Variants in ZFYVE26 observed in about 807,000 individuals in gnomAD.
ZFYVE26 encodes the protein zinc finger FYVE domain-containing protein 26.
A neutral mutation model predicts 276.5 loss-of-function variants in ZFYVE26; 181 were observed. The observed-to-expected ratio is 0.65, with a 90% CI of 0.58 to 0.74. The LOEUF (loss-of-function observed/expected upper bound fraction) is 0.74, where lower values mean the gene tolerates loss of function less well. Ranked by LOEUF, ZFYVE26 falls within the 30% of genes least tolerant of loss-of-function variation. The pLI is 0.00. For synonymous variants in ZFYVE26, 1,129 were observed against 1,203.1 expected (o/e 0.94, Z 1.27); for missense variants, 2,821 against 3,097.9 (o/e 0.91, Z 2.12).
chr14:67,809,408 CTTTTT>C (rs10580613), intron 3 of ZFYVE26, 119 bp from the exon 4 acceptor site: 98 of 207,942 alleles, frequency 4.7e-4, no homozygotes, highest in Middle Eastern at 1.4e-3. Flanking sequence ...ATGAAGCACT[CTTTTT>C]TTTTTTTTTT....
chr14:67,805,098 TG>T, intron 8 of ZFYVE26, 118 bp downstream of exon 8: 1 of 911,152 alleles, frequency 1.1e-6, no homozygotes, highest in Non-Finnish European at 1.7e-6. Context: ...TTTTAGTAGC[TG>T]GTCAACATTG....
chr14:67,769,996 G>C (rs922776920), intron 28 of ZFYVE26: 9 of 506,960 alleles, frequency 1.8e-5, no homozygotes, highest in African/African-American at 3.9e-5. Flanking sequence ...GAGGCAACAT[G>C]TGGAAAAACA....
intron 35 of ZFYVE26, among the ~76,000 whole-genome samples, chr14:67,756,978 C>A (rs1417939907): frequency 6.6e-6 from 1 of 152,298 alleles, no homozygotes; most frequent in African/African-American, 2.4e-5. Context: ...CAGTCTGTGT[C>A]TCCATTCTTT....
chr14:67,802,087 G>A lies in ZFYVE26; in HGVS notation c.1631C>T (p.Ser544Phe), dbSNP rs770641588. Residue 544 changes from serine (S) to phenylalanine (F), a missense_variant, in exon 10 of 42, where the codon TCC becomes TTC. Ser to Phe is a radical substitution (Grantham distance 155, BLOSUM62 -2). Transcript: ENST00000347230. Reference protein sequence around the residue: ...SATEPANDSLSSPGAANLFST... With the variant: ...SATEPANDSLFSPGAANLFST... ...GGAGGGAAGTGCTGTACCTGGGGAG[G>A]AGAGAGAGTCATTCGCTGGCTCTGT... The A allele has an allele frequency of 2.5e-6, 4 of 1,612,864 alleles. No homozygotes were observed. Among genetic ancestry groups the A allele is most frequent in the Non-Finnish European group, 3.4e-6 (4 of 1,180,008 alleles).
At chr14:67,784,520 TAC>T (rs2039598314) in intron 19 of ZFYVE26, 84 bp from the exon 20 acceptor site, 10 of 1,238,476 alleles carry the variant, frequency 8.1e-6, no homozygotes, top group Non-Finnish European at 9.5e-6. Context: ...GAGAAAAAAG[TAC>T]AGTGTCAAGA....
At chr14:67,815,728 C>T (rs373691053) in intron 2 of ZFYVE26, 42 bp downstream of exon 2, 33 of 1,601,194 alleles carry the variant, frequency 2.1e-5, no homozygotes, top group African/African-American at 9.4e-5. Context: ...AACCACATGT[C>T]TCTCACCCTG....
chr14:67,767,707 C>A lies in ZFYVE26; in HGVS notation c.5787G>T (p.Glu1929Asp), dbSNP rs534207383. The stretch of plus-strand genomic sequence containing the variant: ...CATTGCATTTTATTGCTATTACCTG[C>A]TCATAGTAAAATTCACTCCGCACCA... ...NELVRSEFYY[E>D]QAPSASLCIA... The change falls in exon 31 of 42, where the codon GAG (glutamate) becomes GAT (aspartate). Residue 1929 changes from glutamate (E) to aspartate (D), a missense_variant. By Grantham distance (45) the Glu-to-Asp change is conservative (BLOSUM62 2). Coordinates refer to ENST00000347230, the MANE Select transcript of ZFYVE26 (RefSeq NM_015346.4). 24 of 1,614,012 alleles carry A rather than the reference C, an allele frequency of 1.5e-5. No homozygotes were observed. The highest frequency in any genetic ancestry group is 1.9e-5 in the Non-Finnish European group (23 of 1,180,030).
chr14:67,803,170 A>G (rs2040112043), intron 9 of ZFYVE26, among the ~76,000 whole-genome samples: 1 of 152,182 alleles, frequency 6.6e-6, no homozygotes, highest in African/African-American at 2.4e-5. Flanking sequence ...AGCCTGGGCA[A>G]CATAGCAAGA....
intron 22 of ZFYVE26, 28 bp from the exon 23 acceptor site, chr14:67,780,373 A>G: frequency 6.3e-7 from 1 of 1,586,578 alleles, no homozygotes; most frequent in East Asian, 2.3e-5. Flanking sequence ...AATCCGTCAA[A>G]CCACACTGCA....
chr14:67,744,977 A>C (rs2038463953), downstream of ZFYVE26, among the ~76,000 whole-genome samples: 1 of 152,184 alleles, frequency 6.6e-6, no homozygotes. Flanking sequence ...TAGGTCCTTA[A>C]GGAATCGCCA....
chr14:67,782,533 C>T (rs551066528), intron 21 of ZFYVE26, among the ~76,000 whole-genome samples: 8 of 152,238 alleles, frequency 5.3e-5, no homozygotes, highest in African/African-American at 1.9e-4. Context: ...TTGTGATATA[C>T]AGTATTGAGA....
intron 21 of ZFYVE26, 22 bp downstream of exon 21, chr14:67,782,758 G>A: frequency 1.9e-6 from 3 of 1,613,806 alleles, no homozygotes; most frequent in Non-Finnish European, 2.5e-6. Flanking sequence ...AGTGAAAAAG[G>A]GAGGCATAGC....
intron 28 of ZFYVE26, 121 bp from the exon 29 acceptor site, chr14:67,769,851 G>T (rs2039160295): frequency 1.5e-6 from 2 of 1,374,054 alleles, no homozygotes; most frequent in Non-Finnish European, 2.0e-6. Context: ...CCAACTGCTT[G>T]GGTCTCTATT....
rs115072117 is a variant in ZFYVE26, at chr14:67,765,097, C to A, written c.6011+1130G>T. Among the ~76,000 whole-genome samples, 807 of 151,408 alleles carry A rather than the reference C, an allele frequency of 5.3e-3. 9 individuals carry two copies. Among genetic ancestry groups the A allele is most frequent in the African/African-American group, 0.017 (708 of 41,242 alleles). ...TTTTTTATTCTTTTCATGGTTATTT[C>A]AAAAATTTAACACATATCTGTTTCT... On this transcript the variant is annotated intron_variant, in intron 32 of 41. Transcript: ENST00000347230.
chr14:67,769,860 T>C (rs2039160800), intron 28 of ZFYVE26, 130 bp from the exon 29 acceptor site: 14 of 1,291,476 alleles, frequency 1.1e-5, no homozygotes, highest in African/African-American at 4.4e-5. Context: ...TGGGTCTCTA[T>C]TGGAAAAGGA....
intron 16 of ZFYVE26, among the ~76,000 whole-genome samples, chr14:67,786,682 C>T (rs910915793): frequency 9.9e-5 from 15 of 152,224 alleles, no homozygotes; most frequent in Non-Finnish European, 2.2e-4. Context: ...AATCTGGAAA[C>T]ACAGTAGTCA....
chr14:67,784,021 G>A (rs2039582798), intron 20 of ZFYVE26, among the ~76,000 whole-genome samples: 1 of 152,168 alleles, frequency 6.6e-6, no homozygotes. Context: ...TGTCCCACTT[G>A]CATTCTCTGA....
chr14:67,743,632 T>C (rs983863822), downstream of ZFYVE26, among the ~76,000 whole-genome samples: 1 of 152,186 alleles, frequency 6.6e-6, no homozygotes, highest in African/African-American at 2.4e-5. Flanking sequence ...ATTTTGGACA[T>C]GCTAATATTT....
At chr14:67,782,658 A>T (rs1006292169) in intron 21 of ZFYVE26, 122 bp downstream of exon 21, 1 of 1,508,974 alleles carries the variant, frequency 6.6e-7, no homozygotes, top group South Asian at 1.1e-5. Context: ...TCTCCTCTTA[A>T]TAACATGAGA....
Sources: allele counts gnomAD v4.1 joint callset (sites outside exome capture counted in the v4.1 genomes callset), GRCh38; gene constraint gnomAD v4.1.1; transcripts MANE v1.5; gene names NCBI Gene and HGNC (gene_info 2026-07-23, HGNC 2026-07-21).